PTPRD: variants seen among roughly 807,000 people sequenced by gnomAD.
The protein encoded by PTPRD is receptor-type tyrosine-protein phosphatase delta.
PTPRD carries 34 observed loss-of-function variants against 214.5 expected under a neutral mutation model. The observed-to-expected ratio is 0.16, with a 90% CI of 0.12 to 0.21. The LOEUF (loss-of-function observed/expected upper bound fraction) is 0.21, where lower values mean the gene tolerates loss of function less well. Ranked by LOEUF, PTPRD falls within the 10% of genes least tolerant of loss-of-function variation. The pLI, the probability that PTPRD is intolerant of heterozygous loss-of-function variation, is 1.00. For synonymous variants in PTPRD, 1,128 were observed against 845.7 expected (o/e 1.33, Z -5.79); for missense variants, 2,545 against 2,398.7 (o/e 1.06, Z -1.27).
At chr9:9,160,292 T>C (rs2099885442) in intron 10 of PTPRD, among the ~76,000 whole-genome samples, 2 of 152,044 alleles carry the variant, frequency 1.3e-5, no homozygotes, top group South Asian at 2.1e-4. Context: ...AAACCATTAA[T>C]GTGATAAGCC....
intron 10 of PTPRD, among the ~76,000 whole-genome samples, chr9:9,041,138 C>T (rs1035497659): frequency 1.3e-4 from 19 of 151,946 alleles, no homozygotes; most frequent in African/African-American, 3.9e-4. Flanking sequence ...AGAACTTTAA[C>T]AAAAATTATA....
At chr9:9,298,059 T>C (rs1246313693) in intron 9 of PTPRD, among the ~76,000 whole-genome samples, 1 of 151,598 alleles carries the variant, frequency 6.6e-6, no homozygotes, top group African/African-American at 2.4e-5. Flanking sequence ...TGAGAGACAA[T>C]GGATGGGTAA....
chr9:9,878,117 C>A (rs1375357381), intron 5 of PTPRD, among the ~76,000 whole-genome samples: 1 of 152,082 alleles, frequency 6.6e-6, no homozygotes, highest in South Asian at 2.1e-4. Context: ...AGAATTCAAC[C>A]TCTTCTCAGG....
intron 14 of PTPRD, among the ~76,000 whole-genome samples, chr9:8,551,105 A>G (rs911885431): frequency 1.3e-5 from 2 of 152,166 alleles, no homozygotes; most frequent in Admixed American, 6.5e-5. Context: ...CTCAATAGCT[A>G]TTTTATTCCC....
intron 2 of PTPRD, among the ~76,000 whole-genome samples, chr9:10,363,557 G>A (rs1315336964): frequency 1.3e-5 from 2 of 152,172 alleles, no homozygotes; most frequent in Non-Finnish European, 2.9e-5. Flanking sequence ...ATTTCCAACT[G>A]TAAATGTTTT....
chr9:9,454,020 T>A (rs776980459), intron 8 of PTPRD, among the ~76,000 whole-genome samples: 1 of 151,828 alleles, frequency 6.6e-6, no homozygotes, highest in Non-Finnish European at 1.5e-5. Flanking sequence ...TTCAGTTATG[T>A]TCCCTTTTTA....
At chr9:8,363,581 T>C (rs1037852245) in intron 39 of PTPRD, among the ~76,000 whole-genome samples, 2 of 152,230 alleles carry the variant, frequency 1.3e-5, no homozygotes, top group Non-Finnish European at 2.9e-5. Context: ...TGGGTTGTAC[T>C]TGGGGGTTTT....
At chr9:8,373,561 G>T (rs1294869730) in intron 39 of PTPRD, among the ~76,000 whole-genome samples, 1 of 151,548 alleles carries the variant, frequency 6.6e-6, no homozygotes, top group Non-Finnish European at 1.5e-5. Context: ...CTCCTGAGTA[G>T]CCTGTCTCTC....
intron 11 of PTPRD, among the ~76,000 whole-genome samples, chr9:8,859,589 G>C (rs1017954914): frequency 2.0e-5 from 3 of 152,144 alleles, no homozygotes; most frequent in South Asian, 2.1e-4. Context: ...GTCTTTGAAA[G>C]AGCAAAGGTA....
chr9:8,593,738 T>G (rs958973666), intron 14 of PTPRD, among the ~76,000 whole-genome samples: 13 of 152,154 alleles, frequency 8.5e-5, no homozygotes, highest in African/African-American at 2.9e-4. Context: ...TTTTGGAAAA[T>G]GCAACTTCTA....
At chr9:9,414,782 T>G (rs182093822) in intron 8 of PTPRD, 58 of 152,302 alleles carry the variant, frequency 3.8e-4, no homozygotes, top group Admixed American at 3.4e-3. Flanking sequence ...ATCTTTTATT[T>G]CCCATGAGGC....
chr9:8,974,178 G>A (rs563154026), intron 11 of PTPRD, among the ~76,000 whole-genome samples: 3 of 152,084 alleles, frequency 2.0e-5, no homozygotes, highest in Non-Finnish European at 2.9e-5. Flanking sequence ...TTTATAGTTC[G>A]AGGTCTTACA....
chr9:10,430,808 C>T (rs2098670242), intron 2 of PTPRD, among the ~76,000 whole-genome samples: 1 of 151,874 alleles, frequency 6.6e-6, no homozygotes, highest in Non-Finnish European at 1.5e-5. Context: ...AGGCAATAGA[C>T]CTGTCTTCCA....
chr9:9,571,824 T>A (rs1350140158), intron 8 of PTPRD, among the ~76,000 whole-genome samples: 1 of 151,136 alleles, frequency 6.6e-6, no homozygotes, highest in Non-Finnish European at 1.5e-5. Context: ...TGTATGAATT[T>A]TATAATAAAA....
chr9:9,775,954 CAAAAA>C (rs59412193), intron 5 of PTPRD, among the ~76,000 whole-genome samples: 4 of 28,924 alleles, frequency 1.4e-4, no homozygotes, highest in South Asian at 2.4e-3. Context: ...GACTCTGTCT[CAAAAA>C]AAAAAAAAAA....
intron 3 of PTPRD, among the ~76,000 whole-genome samples, chr9:10,257,876 TAAAAC>T (rs1413997570): frequency 6.6e-6 from 1 of 152,060 alleles, no homozygotes; most frequent in Non-Finnish European, 1.5e-5. Context: ...AAAACTAAAA[TAAAAC>T]AAAATAACAC....
intron 9 of PTPRD, among the ~76,000 whole-genome samples, chr9:9,283,632 G>T (rs1218516401): frequency 6.6e-6 from 1 of 151,300 alleles, no homozygotes; most frequent in Non-Finnish European, 1.5e-5. Context: ...TGACCATTTG[G>T]TTCAATTAAG....
chr9:9,420,860 AT>A (rs758226663), intron 8 of PTPRD, among the ~76,000 whole-genome samples: 64 of 151,984 alleles, frequency 4.2e-4, no homozygotes, highest in Non-Finnish European at 8.0e-4. Context: ...TAAAGAAAAA[AT>A]ATCTTTTCAT....
At chr9:9,646,339 GTGT>G (rs1564283783) in intron 7 of PTPRD, among the ~76,000 whole-genome samples, 11 of 147,712 alleles carry the variant, frequency 7.4e-5, no homozygotes, top group South Asian at 2.1e-4. Context: ...GTGTGTGTGT[GTGT>G]GGGTGTGTGT....
Sources: gnomAD v4.1 joint callset for allele counts (sites outside exome capture counted in the v4.1 genomes callset) on GRCh38, gnomAD v4.1.1 for gene constraint, MANE v1.5 for transcripts, NCBI Gene and HGNC (gene_info 2026-07-23, HGNC 2026-07-21) for gene names.